The following RALGAPA1 variants were observed in gnomAD, a reference collection of about 807,000 sequenced individuals.
The protein encoded by RALGAPA1 is ral GTPase-activating protein subunit alpha-1.
In RALGAPA1, 52 loss-of-function variants were observed where a neutral mutation model predicts 269.6. The observed-to-expected ratio is 0.19, with a 90% CI of 0.15 to 0.24. The LOEUF (loss-of-function observed/expected upper bound fraction) is 0.24, where lower values mean the gene tolerates loss of function less well. Among genes scored for constraint, RALGAPA1 ranks in the 10% least tolerant of loss-of-function variants. RALGAPA1 has a pLI of 1.00. For missense variants in RALGAPA1, 1,917 were observed against 3,013.9 expected (o/e 0.64, Z 8.52); for synonymous variants, 817 against 1,008.3 (o/e 0.81, Z 3.60).
chr14:35,626,902 A>G (rs374011526), intron 34 of RALGAPA1, among the ~76,000 whole-genome samples, 188 bp downstream of exon 34: 1 of 152,052 alleles, frequency 6.6e-6, no homozygotes, highest in African/African-American at 2.4e-5. Context: ...AATTTGCTGG[A>G]TTATTTTATT....
intron 4 of RALGAPA1, among the ~76,000 whole-genome samples, chr14:35,770,559 A>T (rs2074535729): frequency 6.6e-6 from 1 of 152,246 alleles, no homozygotes; most frequent in Non-Finnish European, 1.5e-5. Context: ...GCAAACAATA[A>T]GTAAATAAAC....
chr14:35,633,424 C>T (rs2061480865), intron 33 of RALGAPA1, among the ~76,000 whole-genome samples: 1 of 152,076 alleles, frequency 6.6e-6, no homozygotes, highest in Non-Finnish European at 1.5e-5. Context: ...ATTCCTATTT[C>T]AATAGTGTAT....
chr14:35,768,483 G>A (rs1388924518), intron 4 of RALGAPA1, among the ~76,000 whole-genome samples: 2 of 151,882 alleles, frequency 1.3e-5, no homozygotes, highest in African/African-American at 4.8e-5. Context: ...TGAAGCCGGA[G>A]GTTTGAGACC....
chr14:35,689,982 A>G lies in RALGAPA1; in HGVS notation c.2429T>C (p.Leu810Pro), dbSNP rs957948045. 1.3e-6 allele frequency: 2 copies of G among 1,591,978 alleles called. No individual in the cohort carries two copies. The highest frequency in any genetic ancestry group is 1.1e-5 in the South Asian group (1 of 87,570). ...ELSDIDDAQI[L>P]PRSTRVRHFS... The stretch of plus-strand genomic sequence containing the variant: ...ATGTCTGACTCTAGTTGAGCGGGGA[A>G]GTATTTGAGCATCATCAATATCTGT... Residue 810 changes from leucine (L) to proline (P), a missense_variant, in exon 18 of 42, where the codon CTT (leucine) becomes CCT (proline). This residue lies in a region of RALGAPA1 where 125 missense variants were observed against 155.7 expected (regional missense o/e 0.80). Transcript: ENST00000680220.
At chr14:35,737,137 T>C (rs1470754332) in intron 12 of RALGAPA1, among the ~76,000 whole-genome samples, 1 of 150,882 alleles carries the variant, frequency 6.6e-6, no homozygotes, top group African/African-American at 2.4e-5. Context: ...AATTCATAGA[T>C]AAGAAAAGAT....
intron 12 of RALGAPA1, among the ~76,000 whole-genome samples, chr14:35,734,398 C>A (rs1007817398): frequency 6.6e-6 from 1 of 152,052 alleles, no homozygotes; most frequent in African/African-American, 2.4e-5. Context: ...AGAAATAAAC[C>A]CAAATACTTA....
chr14:35,605,469 C>T (rs2059540885), intron 36 of RALGAPA1, 117 bp downstream of exon 36: 1 of 1,062,648 alleles, frequency 9.4e-7, no homozygotes. Flanking sequence ...CAATAACAAA[C>T]TAGTTGTTAA....
chr14:35,748,614 C>T lies in RALGAPA1; in HGVS notation c.1222G>A (p.Val408Ile), dbSNP rs769637785. ...CGAAATATCTCTGTCACAAAGTTTA[C>T]ATTACTCCTTTTAGAAGAAAAAACT... ...RRVFSSKRSN[V>I]NFVTEIFRQA... The change falls in exon 10 of 42, where the codon GTA becomes ATA. Residue 408 changes from valine to isoleucine, a missense_variant. By Grantham distance (29) the Val-to-Ile change is conservative. This residue lies in a region of RALGAPA1 where 462 missense variants were observed against 725.6 expected (regional missense o/e 0.64). Coordinates refer to ENST00000680220, the MANE Select transcript of RALGAPA1 (RefSeq NM_001346249.2). 1 of 1,610,120 alleles carries T rather than the reference C, an allele frequency of 6.2e-7. No individual in the cohort carries two copies. The highest frequency in any genetic ancestry group is 2.2e-5 in the East Asian group (1 of 44,720).
intron 35 of RALGAPA1, among the ~76,000 whole-genome samples, chr14:35,623,596 T>C (rs1378298460): frequency 6.6e-6 from 1 of 152,202 alleles, no homozygotes; most frequent in East Asian, 1.9e-4. Context: ...GTTGAAGTTA[T>C]ATAGGTGTTG....
In RALGAPA1 at chr14:35,723,451, TCAA is replaced by T. The variant is rs2069613470; in HGVS notation, c.1867-190_1867-188del. ...ATTAGAATCTACTATAAATTTCATT[TCAA>T]CAACTGCCAACTCCCAACACCCAGC... On this transcript the variant is annotated intron_variant, in intron 14 of 41. Transcript: ENST00000680220. The T allele has an allele frequency of 1.4e-5, 6 of 443,380 alleles. No individual in the cohort carries two copies. The South Asian group carries it at 2.9e-4, about 21-fold the overall frequency. 27.5% of individuals were successfully genotyped at this position (443,380 alleles called of 1,614,324 possible). A position where few individuals can be genotyped will look rare whatever the true frequency, so the allele number is the denominator to read the frequency against.
At position 35,751,933 on chromosome 14, in the gene RALGAPA1, C is replaced by T. The variant is rs554399508; in HGVS notation, c.802+91G>A. ...AACCAATACAAGTATTAAATATGAT[C>T]AGTTTCCTGCAGTAACAAATGCCAA... is the stretch of plus-strand genomic sequence containing the variant. On this transcript the variant is annotated intron_variant, in intron 8 of 41. Transcript: ENST00000680220. The T allele has an allele frequency of 3.4e-6, 5 of 1,479,956 alleles. No individual in the cohort carries two copies. The South Asian group carries it at 5.4e-5, about 16-fold the overall frequency. 91.7% of individuals were successfully genotyped at this position (1,479,956 alleles called of 1,614,324 possible).
At chr14:35,635,296 G>T (rs1679443992) in intron 32 of RALGAPA1, among the ~76,000 whole-genome samples, 168 bp downstream of exon 32, 1 of 152,158 alleles carries the variant, frequency 6.6e-6, no homozygotes, top group South Asian at 2.1e-4. Flanking sequence ...AAACAACGGT[G>T]TCTTGTAGGA....
intron 34 of RALGAPA1, among the ~76,000 whole-genome samples, chr14:35,626,367 T>C (rs927634379): frequency 6.6e-6 from 1 of 152,166 alleles, no homozygotes; most frequent in Non-Finnish European, 1.5e-5. Flanking sequence ...CTACCATAAA[T>C]TGACAGAGAC....
intron 37 of RALGAPA1, among the ~76,000 whole-genome samples, chr14:35,583,174 T>C (rs1361761702): frequency 6.6e-6 from 1 of 152,148 alleles, no homozygotes; most frequent in East Asian, 1.9e-4. Context: ...AAAACAACTA[T>C]GGTTAACATG....
Position 35,627,476 on chromosome 14 carries a change from T to A in RALGAPA1, c.6471A>T (p.Ile2157=), listed in dbSNP as rs2061065518. ...PPTSNECLED[I]TVKDGLSLQF... ...GGAGAGAAAGTCCATCTTTTACGGT[T>A]ATATCTTCTAAGCATTCATTAGATG... The change falls in exon 34 of 42, where the codon ATA becomes ATT. Residue 2157 remains isoleucine (I), a synonymous_variant. Transcript: ENST00000680220. The A allele has an allele frequency of 1.2e-6, 2 of 1,613,370 alleles. No homozygotes were observed. The highest frequency in any genetic ancestry group is 2.7e-5 in the African/African-American group (2 of 74,976).
At chr14:35,762,307 G>C (rs1322160913) in intron 5 of RALGAPA1, among the ~76,000 whole-genome samples, 7 of 152,080 alleles carry the variant, frequency 4.6e-5, no homozygotes, top group Non-Finnish European at 7.3e-5. Context: ...CCAGGCTGGA[G>C]TGCATCGGCT....
At chr14:35,743,196 T>C (rs2071734580) in intron 10 of RALGAPA1, among the ~76,000 whole-genome samples, 2 of 152,072 alleles carry the variant, frequency 1.3e-5, no homozygotes, top group Non-Finnish European at 2.9e-5. Context: ...ATCAACATTA[T>C]AGTTAAACAA....
At chr14:35,541,247 A>G (rs1407505390) in intron 41 of RALGAPA1, among the ~76,000 whole-genome samples, 3 of 151,766 alleles carry the variant, frequency 2.0e-5, no homozygotes, top group Non-Finnish European at 4.4e-5. Flanking sequence ...GAGTTTCACC[A>G]TGTTGGCCAG....
intron 22 of RALGAPA1, chr14:35,676,560 G>A (rs1480015547): frequency 6.6e-6 from 1 of 152,112 alleles, no homozygotes; most frequent in Non-Finnish European, 1.5e-5. Context: ...AGCTATAAAG[G>A]GCATTATTGG....
Sources: gnomAD v4.1 joint callset for allele counts (sites outside exome capture counted in the v4.1 genomes callset) on GRCh38, gnomAD v4.1.1 for gene constraint, gnomAD v4.1.1 regional missense constraint, MANE v1.5 for transcripts, NCBI Gene and HGNC (gene_info 2026-07-23, HGNC 2026-07-21) for gene names.